Variants in SLC38A12 observed in about 807,000 individuals in gnomAD.
SLC38A12 encodes the protein putative sodium-coupled neutral amino acid transporter 12.
At chr17:74,823,724 C>T in the SLC38A12 span, among the ~76,000 whole-genome samples, 1 of 152,190 alleles carries the variant, frequency 6.6e-6, no homozygotes, top group East Asian at 1.9e-4. Context: ...CTGGCTCACC[C>T]CCAGGTGGCC....
At chr17:74,778,762 A>G in the SLC38A12 span, among the ~76,000 whole-genome samples, 1 of 143,882 alleles carries the variant, frequency 7.0e-6, no homozygotes, top group African/African-American at 2.7e-5. Context: ...TCTGCCTCCC[A>G]GGTTCAAGCA....
chr17:74,839,525 A>T, the SLC38A12 span: 2 of 179,342 alleles, frequency 1.1e-5, no homozygotes, highest in African/African-American at 2.4e-5. Flanking sequence ...TTGATTGCAG[A>T]CTGGAGGGGT....
chr17:74,793,953 A>C, the SLC38A12 span, among the ~76,000 whole-genome samples: 307 of 152,314 alleles, frequency 2.0e-3, no homozygotes, highest in Non-Finnish European at 3.4e-3. Flanking sequence ...GGTACCCTGC[A>C]GGCTCTTCTG....
chr17:74,832,197 C>T, the SLC38A12 span, among the ~76,000 whole-genome samples: 1 of 152,070 alleles, frequency 6.6e-6, no homozygotes, highest in Non-Finnish European at 1.5e-5. Context: ...TCCTCCCTTC[C>T]TTCCTCCTTT....
At chr17:74,778,730 C>A in the SLC38A12 span, among the ~76,000 whole-genome samples, 1 of 147,928 alleles carries the variant, frequency 6.8e-6, no homozygotes, top group East Asian at 2.0e-4. Context: ...CTCACTGCAA[C>A]CTCTGCCTCC....
chr17:74,813,505 T>G, the SLC38A12 span, among the ~76,000 whole-genome samples: 4 of 151,934 alleles, frequency 2.6e-5, no homozygotes, highest in African/African-American at 9.7e-5. Context: ...GTTTTGTTTT[T>G]TTGAGACAGG....
the SLC38A12 span, among the ~76,000 whole-genome samples, chr17:74,812,583 G>T: frequency 6.6e-6 from 1 of 151,724 alleles, no homozygotes; most frequent in Admixed American, 6.6e-5. Flanking sequence ...GGAGTCTGGG[G>T]GATCCTTTCT....
At chr17:74,785,408 G>A in the SLC38A12 span, 13 of 1,564,560 alleles carry the variant, frequency 8.3e-6, no homozygotes, top group Non-Finnish European at 1.1e-5. Context: ...CATCACCAGG[G>A]TCGTTCCTTG....
the SLC38A12 span, chr17:74,795,558 G>A: frequency 1.1e-5 from 17 of 1,614,144 alleles, no homozygotes; most frequent in East Asian, 1.1e-4. Context: ...CGGTGTGGAA[G>A]CAGACACCAA....
chr17:74,785,131 C>T, the SLC38A12 span, among the ~76,000 whole-genome samples: 1 of 152,104 alleles, frequency 6.6e-6, no homozygotes, highest in Non-Finnish European at 1.5e-5. Context: ...TGCCAGGTAC[C>T]CCGCCTATGA....
At chr17:74,816,911 T>TA in the SLC38A12 span, among the ~76,000 whole-genome samples, 11 of 152,194 alleles carry the variant, frequency 7.2e-5, no homozygotes, top group African/African-American at 2.4e-4. Flanking sequence ...CTCCTTTTTT[T>TA]AAAAAGGAAA....
At chr17:74,784,987 G>C in the SLC38A12 span, among the ~76,000 whole-genome samples, 1 of 152,048 alleles carries the variant, frequency 6.6e-6, no homozygotes, top group Non-Finnish European at 1.5e-5. Flanking sequence ...AAGTTGGTAT[G>C]GGGAGAGGGG....
At chr17:74,788,640 C>T in the SLC38A12 span, 1 of 607,492 alleles carries the variant, frequency 1.6e-6, no homozygotes, top group Non-Finnish European at 2.9e-6. Flanking sequence ...CACCTTTTTA[C>T]CAAGTAAAGC....
At chr17:74,816,207 A>T in the SLC38A12 span, among the ~76,000 whole-genome samples, 1 of 152,122 alleles carries the variant, frequency 6.6e-6, no homozygotes, top group Admixed American at 6.5e-5. Flanking sequence ...TGGGGGTGCT[A>T]TTGGGAGCCT....
At chr17:74,816,801 G>C in the SLC38A12 span, among the ~76,000 whole-genome samples, 1 of 152,028 alleles carries the variant, frequency 6.6e-6, no homozygotes, top group East Asian at 1.9e-4. Flanking sequence ...AATGGCATTT[G>C]GGGGTTGGAA....
the SLC38A12 span, among the ~76,000 whole-genome samples, chr17:74,794,544 C>T: frequency 5.8e-3 from 889 of 152,294 alleles, 10 homozygotes; most frequent in African/African-American, 0.019. Flanking sequence ...CTTCAGAGAG[C>T]TGGGCTATTT....
the SLC38A12 span, among the ~76,000 whole-genome samples, chr17:74,815,790 A>G: frequency 6.6e-6 from 1 of 152,148 alleles, no homozygotes; most frequent in Non-Finnish European, 1.5e-5. Flanking sequence ...CTCCCATTCC[A>G]TGGCTGGGCA....
At chr17:74,802,955 A>G in the SLC38A12 span, among the ~76,000 whole-genome samples, 4 of 152,080 alleles carry the variant, frequency 2.6e-5, no homozygotes, top group South Asian at 2.1e-4. Context: ...CCATTCACCA[A>G]TTCCCCCAGG....
chr17:74,792,598 G>A, the SLC38A12 span, among the ~76,000 whole-genome samples: 5 of 152,186 alleles, frequency 3.3e-5, no homozygotes, highest in Non-Finnish European at 5.9e-5. Context: ...TCAAAGCCCC[G>A]TTTGTCGAGT....
Sources: allele counts gnomAD v4.1 joint callset (sites outside exome capture counted in the v4.1 genomes callset), GRCh38; gene constraint gnomAD v4.1.1; transcripts MANE v1.5; gene names NCBI Gene and HGNC (gene_info 2026-07-23, HGNC 2026-07-21).